Variants in TMEM63B observed in about 807,000 individuals in gnomAD.
TMEM63B encodes the protein mechanosensitive cation channel TMEM63B.
Under a neutral mutation model 102.6 loss-of-function variants are expected in TMEM63B, and 23 were observed. That is an observed-to-expected ratio of 0.22 (90% CI 0.16 to 0.32). TMEM63B has a LOEUF of 0.32. TMEM63B is among the 10% of genes least tolerant of loss of function. The pLI, the probability that TMEM63B is intolerant of heterozygous loss-of-function variation, is 1.00. For synonymous variants in TMEM63B, 444 were observed against 437.0 expected, an observed-to-expected ratio of 1.02 and a Z score of -0.20; for missense variants, 628 against 1,095.9, an observed-to-expected ratio of 0.57 and a Z score of 6.03.
At position 44,147,398 on chromosome 6, in the gene TMEM63B, G is replaced by A. The variant is rs1398266318; in HGVS notation, c.885G>A (p.Lys295=). 1.9e-6 allele frequency: 3 copies of A among 1,614,080 alleles called. No homozygotes were observed. The highest frequency in any genetic ancestry group is 2.5e-6 in the Non-Finnish European group (3 of 1,180,048). The change falls in exon 12 of 24, where the codon AAG becomes AAA. Residue 295 remains lysine (K), a synonymous_variant. Coordinates refer to ENST00000323267, the MANE Select transcript of TMEM63B (RefSeq NM_018426.3). ...DAERKKAERG[K]LYFTNLQSKE... ...ACAGGAAGAAGGCCGAGCGGGGAAA[G>A]CTGTACTTCACAAACCTCCAGAGCA...
chr6:44,153,705 G>A lies in TMEM63B; in HGVS notation c.1972G>A (p.Val658Ile), dbSNP rs1767331626. Residue 658 changes from valine (V) to isoleucine (I), a missense_variant, in exon 21 of 24, where the codon GTA (valine) becomes ATA (isoleucine). This residue lies in a region of TMEM63B where 90 missense variants were observed against 136.7 expected (regional missense o/e 0.66). Coordinates refer to ENST00000323267, the MANE Select transcript of TMEM63B (RefSeq NM_018426.3). ...GLMYMLLKHL[V>I]DRYNLYYAYL... ...CATGTACATGCTGCTGAAGCACCTG[G>A]TAGACAGGTACAATCTCTACTACGC... The A allele has an allele frequency of 6.2e-7, 1 of 1,614,076 alleles. No individual in the cohort carries two copies. The highest frequency in any genetic ancestry group is 8.5e-7 in the Non-Finnish European group (1 of 1,179,992).
At chr6:44,138,967 C>T in intron 6 of TMEM63B, 1 of 250,112 alleles carries the variant, frequency 4.0e-6, no homozygotes, top group Non-Finnish European at 7.9e-6. Flanking sequence ...CAGGCCTCCC[C>T]CAAGGGTACC....
Position 44,146,814 on chromosome 6 carries a change from C to T in TMEM63B, c.783-33C>T, listed in dbSNP as rs559413729. On this transcript the variant is annotated intron_variant, in intron 10 of 23. Coordinates refer to ENST00000323267, the MANE Select transcript of TMEM63B (RefSeq NM_018426.3). ...AAGTCAGGGGCAGGTGGGTGGGGTCCCTGCACAAGATGATACATGAACTGT... is the reference window on the plus strand; with the variant it reads ...AAGTCAGGGGCAGGTGGGTGGGGTCTCTGCACAAGATGATACATGAACTGT... 2.0e-5 allele frequency: 33 copies of T among 1,610,124 alleles called. No homozygotes were observed. The South Asian group carries it at 2.4e-4, about 12-fold the overall frequency.
chr6:44,149,304 GA>G (rs1766086126), intron 15 of TMEM63B: 1 of 371,894 alleles, frequency 2.7e-6, no homozygotes, highest in South Asian at 2.6e-5. Flanking sequence ...TTATCGGTGT[GA>G]AACCCAGTGT....
In TMEM63B at chr6:44,148,191, A is replaced by T. The variant is rs536608448; in HGVS notation, c.988-61A>T. The stretch of plus-strand genomic sequence containing the variant: ...GAAGCCCCAAGTCAGCGTGGGCTGG[A>T]TGCTGCAGGCCCCAGCCTGGCTTTC... On this transcript the variant is annotated intron_variant, in intron 12 of 23. Coordinates refer to ENST00000323267, the MANE Select transcript of TMEM63B (RefSeq NM_018426.3). The surrounding 1 kb of genome is among the most constrained non-coding windows in gnomAD (Gnocchi z 5.1). 11 of 1,600,452 alleles carry T rather than the reference A, an allele frequency of 6.9e-6. 1 individual carries two copies. The South Asian group carries it at 1.2e-4, about 18-fold the overall frequency.
At position 44,154,795 on chromosome 6, in the gene TMEM63B, A is replaced by T. The variant is rs778746845; in HGVS notation, c.2411A>T (p.Glu804Val). The T allele has an allele frequency of 3.7e-6, 6 of 1,610,530 alleles. No homozygotes were observed. The Admixed American group carries it at 1.0e-4, about 27-fold the overall frequency. Reference protein sequence around the residue: ...DEPPSSSSQDEELLMPPDALT... With the variant: ...DEPPSSSSQDVELLMPPDALT... ...CCCCCATCATCCTCATCCCAAGATGAGGAGTTGCTGATGCCACCCGACGCC... is the reference window on the plus strand; with the variant it reads ...CCCCCATCATCCTCATCCCAAGATGTGGAGTTGCTGATGCCACCCGACGCC... The change falls in exon 24 of 24, where the codon GAG becomes GTG. Residue 804 changes from glutamate (E) to valine (V), a missense_variant. Coordinates refer to ENST00000323267, the MANE Select transcript of TMEM63B (RefSeq NM_018426.3).
chr6:44,138,315 C>T, intron 5 of TMEM63B, 165 bp from the exon 6 acceptor site: 2 of 783,952 alleles, frequency 2.6e-6, no homozygotes, highest in Non-Finnish European at 4.3e-6. Flanking sequence ...TCTCTCTCTC[C>T]CTTTTTGGGT....
chr6:44,154,357 C>A lies in TMEM63B; in HGVS notation c.2227-8C>A. Reference sequence around the variant, plus strand: ...CCCCACTTCCTGACTCATTCTGGGCCCCTCAAGATTGAGCACACGGAGACA... The same window carrying A: ...CCCCACTTCCTGACTCATTCTGGGCACCTCAAGATTGAGCACACGGAGACA... On this transcript the variant is annotated splice_region_variant and splice_polypyrimidine_tract_variant and intron_variant, in intron 22 of 23. Transcript: ENST00000323267. 6.2e-7 allele frequency: 1 copy of A among 1,613,792 alleles called. No homozygotes were observed. Among genetic ancestry groups the A allele is most frequent in the Non-Finnish European group, 8.5e-7 (1 of 1,179,858 alleles).
At chr6:44,145,580 A>G (rs751265078) in intron 10 of TMEM63B, among the ~76,000 whole-genome samples, 4 of 152,184 alleles carry the variant, frequency 2.6e-5, no homozygotes, top group Non-Finnish European at 5.9e-5. Context: ...TGACAGAGTG[A>G]GACTCCGTCT....
At chr6:44,144,750 C>T (rs1049943182) in intron 10 of TMEM63B, among the ~76,000 whole-genome samples, 2 of 151,912 alleles carry the variant, frequency 1.3e-5, no homozygotes, top group Admixed American at 6.6e-5. Flanking sequence ...GCACTCACCA[C>T]CACACCTGGC....
chr6:44,144,657 C>T (rs9296427), intron 10 of TMEM63B, among the ~76,000 whole-genome samples: 76,825 of 151,340 alleles, frequency 0.51, 19,566 homozygotes, highest in Admixed American at 0.56. Flanking sequence ...AATACAGGGG[C>T]GTGGTCATAG....
chr6:44,131,984 C>T (rs529312542), intron 1 of TMEM63B, among the ~76,000 whole-genome samples: 2 of 152,320 alleles, frequency 1.3e-5, no homozygotes, highest in South Asian at 2.1e-4. Flanking sequence ...TTCTCAGTTG[C>T]TCAGCCCAGT....
intron 10 of TMEM63B, 21 bp downstream of exon 10, chr6:44,141,119 C>T (rs926511742): frequency 1.2e-6 from 2 of 1,612,208 alleles, no homozygotes; most frequent in Non-Finnish European, 1.7e-6. Flanking sequence ...CACGCTTCCC[C>T]CTACCCTCAA....
In TMEM63B at chr6:44,136,406, C is replaced by T; in HGVS notation, c.336C>T (p.Val112=). 1 of 1,614,062 alleles carries T rather than the reference C, an allele frequency of 6.2e-7. No homozygotes were observed. The highest frequency in any genetic ancestry group is 8.5e-7 in the Non-Finnish European group (1 of 1,179,994). The change falls in exon 5 of 24, where the codon GTC becomes GTT. Residue 112 remains valine (V), a synonymous_variant. Transcript: ENST00000323267. The part of the protein sequence containing the change: ...SHDRYERLTS[V]SSSVDFDQRD... ...ACCGGTATGAGCGTCTCACCTCTGT[C>T]TCCAGCTCCGTTGACTTTGACCAAA...
intron 1 of TMEM63B, among the ~76,000 whole-genome samples, chr6:44,132,752 A>G (rs1158479085): frequency 6.6e-6 from 1 of 152,128 alleles, no homozygotes; most frequent in East Asian, 1.9e-4. Context: ...CCACACATCA[A>G]CACACATTTA....
chr6:44,137,881 TA>T (rs1357244428), intron 5 of TMEM63B, among the ~76,000 whole-genome samples: 1 of 151,940 alleles, frequency 6.6e-6, no homozygotes, highest in Non-Finnish European at 1.5e-5. Context: ...GTATTTTTAG[TA>T]AGAGACGGGG....
intron 1 of TMEM63B, among the ~76,000 whole-genome samples, chr6:44,131,938 C>A (rs939438711): frequency 1.2e-4 from 18 of 152,222 alleles, no homozygotes; most frequent in African/African-American, 4.3e-4. Context: ...CTGCCACCTC[C>A]CATCCCCAAG....
Position 44,148,868 on chromosome 6 carries a change from T to C in TMEM63B, c.1336T>C (p.Phe446Leu). 2 of 1,614,068 alleles carry C rather than the reference T, an allele frequency of 1.2e-6. No individual in the cohort carries two copies. Among genetic ancestry groups the C allele is most frequent in the African/African-American group, 1.3e-5 (1 of 74,972 alleles). ...VINVVLFILL[F>L]FLTTPAIIIT... ...CAATGTCGTCCTCTTCATCCTCCTCTTCTTCCTCACCACTCCAGCCATCAT... is the reference window on the plus strand; with the variant it reads ...CAATGTCGTCCTCTTCATCCTCCTCCTCTTCCTCACCACTCCAGCCATCAT... The change falls in exon 15 of 24, where the codon TTC becomes CTC. Residue 446 changes from phenylalanine to leucine, a missense_variant. Physicochemically the swap from Phe to Leu is conservative, Grantham distance 22. This residue lies in a region of TMEM63B where 336 missense variants were observed against 580.3 expected (regional missense o/e 0.58). Transcript: ENST00000323267. This position sits in a 1 kb window ranked among gnomAD's most constrained non-coding sequence, Gnocchi z 5.1.
rs1055977495 is a variant in TMEM63B at position 44,136,456 on chromosome 6, C to A, written c.369+17C>A. On this transcript the variant is annotated intron_variant, in intron 5 of 23. Coordinates refer to ENST00000323267, the MANE Select transcript of TMEM63B (RefSeq NM_018426.3). ...AGGGACAATGTGAGTGCCCTCCCCCCAAACTTCTTAGTCCCCCACCCCACC... is the reference window on the plus strand; with the variant it reads ...AGGGACAATGTGAGTGCCCTCCCCCAAAACTTCTTAGTCCCCCACCCCACC... 1.3e-6 allele frequency: 2 copies of A among 1,599,074 alleles called. No homozygotes were observed. The highest frequency in any genetic ancestry group is 1.7e-6 in the Non-Finnish European group (2 of 1,168,750).
Sources: allele counts gnomAD v4.1 joint callset (sites outside exome capture counted in the v4.1 genomes callset), GRCh38; gene constraint gnomAD v4.1.1; regional missense constraint gnomAD v4.1.1; non-coding constraint Gnocchi (gnomAD v3.1); transcripts MANE v1.5; gene names NCBI Gene and HGNC (gene_info 2026-07-23, HGNC 2026-07-21).